F13A1: variants seen among roughly 807,000 people sequenced by gnomAD.
F13A1 encodes FSF, A subunit.
In F13A1, 47 loss-of-function variants were observed where a neutral mutation model predicts 80.1. The observed-to-expected ratio is 0.59, with a 90% confidence interval of 0.46 to 0.75. The LOEUF (loss-of-function observed/expected upper bound fraction) is 0.75. F13A1 is among the 30% of genes least tolerant of loss of function. The pLI is 0.00. For missense variants in F13A1, 817 were observed against 930.4 expected (o/e 0.88, Z 1.59); for synonymous variants, 349 against 344.9 (o/e 1.01, Z -0.13).
intron 4 of F13A1, among the ~76,000 whole-genome samples, chr6:6,254,367 T>C (rs1216926762): frequency 1.3e-5 from 2 of 152,096 alleles, no homozygotes; most frequent in African/African-American, 2.4e-5. Context: ...TAACGTGCTA[T>C]AGTAAAAATG....
rs145060369 is a variant in F13A1, at chr6:6,178,989, G to A, written c.1459+2999C>T. Among the ~76,000 whole-genome samples, 939 of 152,350 alleles carry A rather than the reference G, an allele frequency of 6.2e-3. 5 individuals are homozygous for A. The highest frequency in any genetic ancestry group is 0.011 in the Non-Finnish European group (742 of 68,032). On this transcript the variant is annotated intron_variant, in intron 11 of 14. Transcript: ENST00000264870. Reference sequence around the variant, plus strand: ...AGTGTGCGCGGAAGGAGTGGAGAAGGAACACAGCAGGACGCAAGTCCAGGC... The same window carrying A: ...AGTGTGCGCGGAAGGAGTGGAGAAGAAACACAGCAGGACGCAAGTCCAGGC...
At chr6:6,217,842 AT>A (rs1386907078) in intron 8 of F13A1, among the ~76,000 whole-genome samples, 3 of 152,184 alleles carry the variant, frequency 2.0e-5, no homozygotes, top group Admixed American at 2.0e-4. Flanking sequence ...AAGCTGGTTA[AT>A]TTCTGCTCTA....
rs2815822 is a variant in F13A1 at position 6,320,575 on chromosome 6, T to G, written c.-19+12A>C. 406,101 of 466,414 alleles carry G rather than the reference T, an allele frequency of 0.87. 177,234 individuals are homozygous for G. The highest frequency in any genetic ancestry group is 0.96 in the East Asian group (13,704 of 14,336). 28.9% of individuals were successfully genotyped at this position (466,414 alleles called of 1,614,324 possible). On this transcript the variant is annotated intron_variant, in intron 1 of 14. Transcript: ENST00000264870. ...GGGCCCTGGCTCATAGGGTGCAGGG[T>G]CGGTGGCTTACCTGCAGGCGCTCCC...
intron 4 of F13A1, among the ~76,000 whole-genome samples, chr6:6,261,605 C>G: frequency 1.2e-5 from 1 of 82,206 alleles, no homozygotes; most frequent in Non-Finnish European, 3.0e-5. Flanking sequence ...CTGATGTGTT[C>G]CAAGCGTGGT....
chr6:6,247,185 AAGCC>A (rs1216899310), intron 6 of F13A1, among the ~76,000 whole-genome samples: 2 of 152,346 alleles, frequency 1.3e-5, no homozygotes, highest in Non-Finnish European at 2.9e-5. Context: ...AATAAAATAA[AAGCC>A]ACCATTCTTA....
chr6:6,163,174 G>C (rs191564257), intron 13 of F13A1, among the ~76,000 whole-genome samples: 1 of 152,154 alleles, frequency 6.6e-6, no homozygotes, highest in African/African-American at 2.4e-5. Context: ...CAACCTTGAG[G>C]CTCAGTCAGT....
intron 8 of F13A1, among the ~76,000 whole-genome samples, chr6:6,202,942 A>T (rs1197460137): frequency 6.6e-6 from 1 of 152,238 alleles, no homozygotes; most frequent in Non-Finnish European, 1.5e-5. Flanking sequence ...ATGGGACGTC[A>T]TAGTTTATGT....
intron 7 of F13A1, 118 bp downstream of exon 7, chr6:6,224,568 C>T: frequency 2.2e-6 from 2 of 916,936 alleles, no homozygotes; most frequent in Non-Finnish European, 3.4e-6. Flanking sequence ...GAATGGCTCA[C>T]CCATAAATTC....
chr6:6,174,558 A>T, intron 12 of F13A1, 22 bp downstream of exon 12: 1 of 1,613,898 alleles, frequency 6.2e-7, no homozygotes, highest in Non-Finnish European at 8.5e-7. Context: ...TCTCAGAAAG[A>T]ACCACACCAT....
At chr6:6,183,494 G>T (rs1262130355) in intron 10 of F13A1, among the ~76,000 whole-genome samples, 1 of 152,192 alleles carries the variant, frequency 6.6e-6, no homozygotes, top group Non-Finnish European at 1.5e-5. Flanking sequence ...GAGTCACCTG[G>T]AGAACTTTAA....
At chr6:6,258,689 G>A (rs1266386947) in intron 4 of F13A1, among the ~76,000 whole-genome samples, 1 of 152,072 alleles carries the variant, frequency 6.6e-6, no homozygotes, top group African/African-American at 2.4e-5. Flanking sequence ...AGCATAATAA[G>A]TCTCTAATGA....
chr6:6,270,953 G>A (rs1335259626), intron 3 of F13A1, among the ~76,000 whole-genome samples: 1 of 152,168 alleles, frequency 6.6e-6, no homozygotes, highest in Non-Finnish European at 1.5e-5. Flanking sequence ...TCATTTTTTT[G>A]TGATTTGCAT....
At chr6:6,225,009 A>G in intron 6 of F13A1, 149 bp from the exon 7 acceptor site, 2 of 850,614 alleles carry the variant, frequency 2.4e-6, no homozygotes, top group Non-Finnish European at 3.8e-6. Context: ...TTACCATTAC[A>G]TTGTTAGAAA....
Position 6,145,628 on chromosome 6 carries a change from A to G in F13A1, c.2190T>C (p.Pro730=). The G allele has an allele frequency of 6.2e-7, 1 of 1,614,156 alleles. No individual in the cohort carries two copies. Among genetic ancestry groups the G allele is most frequent in the South Asian group, 1.1e-5 (1 of 91,076 alleles). Residue 730 remains proline, a synonymous_variant, in exon 15 of 15, where the codon CCT becomes CCC. Transcript: ENST00000264870. ...TCAGCTTCCTGTGCATTCACATGGA[A>G]GGTCGTCTTTGAATCTGCACGTCCA... ...GELDVQIQRR[P]SM
At chr6:6,187,719 A>G (rs1433298824) in intron 10 of F13A1, among the ~76,000 whole-genome samples, 1 of 94,486 alleles carries the variant, frequency 1.1e-5, no homozygotes, top group East Asian at 2.8e-4. Flanking sequence ...CTTTGGTATC[A>G]GAATGATGCT....
chr6:6,240,548 C>G (rs1240809078), intron 6 of F13A1, among the ~76,000 whole-genome samples: 1 of 152,202 alleles, frequency 6.6e-6, no homozygotes, highest in Non-Finnish European at 1.5e-5. Context: ...ACCCCCAGTG[C>G]TACCAGCAAC....
intron 3 of F13A1, among the ~76,000 whole-genome samples, chr6:6,273,646 A>G (rs1268138317): frequency 6.6e-6 from 1 of 152,146 alleles, no homozygotes; most frequent in Non-Finnish European, 1.5e-5. Flanking sequence ...CATTTGATTC[A>G]TTTGTTTTTC....
Position 6,174,828 on chromosome 6 carries a change from A to C in F13A1, c.1499T>G (p.Met500Arg), listed in dbSNP as rs1760852202. Residue 500 changes from methionine to arginine, a missense_variant, in exon 12 of 15, where the codon ATG becomes AGG. By Grantham distance (91) the Met-to-Arg change is moderately conservative. Transcript: ENST00000264870. ...EERLALETAL[M>R]YGAKKPLNTE... Reference sequence around the variant, plus strand: ...GTTGAGGGGCTTTTTAGCTCCGTACATCAGGGCAGTTTCTAGGGCCAATCT... The same window carrying C: ...GTTGAGGGGCTTTTTAGCTCCGTACCTCAGGGCAGTTTCTAGGGCCAATCT... 1 of 1,614,202 alleles carries C rather than the reference A, an allele frequency of 6.2e-7. No homozygotes were observed. Among genetic ancestry groups the C allele is most frequent in the Admixed American group, 1.7e-5 (1 of 60,028 alleles).
At chr6:6,280,142 A>G (rs1184323736) in intron 3 of F13A1, among the ~76,000 whole-genome samples, 2 of 152,238 alleles carry the variant, frequency 1.3e-5, no homozygotes, top group African/African-American at 4.8e-5. Flanking sequence ...TATTTACAAT[A>G]CATACTCAAT....
Sources: gnomAD v4.1 joint callset for allele counts (sites outside exome capture counted in the v4.1 genomes callset) on GRCh38, gnomAD v4.1.1 for gene constraint, MANE v1.5 for transcripts, NCBI Gene and HGNC (gene_info 2026-07-23, HGNC 2026-07-21) for gene names.